The following CHERP variants were observed in gnomAD, a reference collection of about 807,000 sequenced individuals.
CHERP encodes calcium homeostasis endoplasmic reticulum protein, also known as ERPROT 213-21.
CHERP carries 8 observed loss-of-function variants against 113.8 expected under a neutral mutation model. The ratio of observed to expected loss-of-function variants is 0.07; its 90% confidence interval spans 0.04 to 0.13. The LOEUF (loss-of-function observed/expected upper bound fraction) is 0.13. Ranked by LOEUF, CHERP falls within the 10% of genes least tolerant of loss-of-function variation. The probability of loss-of-function intolerance (pLI) is 1.00; values close to 1 mark genes in which losing one functional copy is unlikely to be tolerated. For synonymous variants in CHERP, 559 were observed against 524.5 expected (o/e 1.07, Z -0.90); for missense variants, 884 against 1,298.2 (o/e 0.68, Z 4.90).
chr19:16,536,603 C>T (rs2085742979), intron 2 of CHERP, among the ~76,000 whole-genome samples: 5 of 152,172 alleles, frequency 3.3e-5, no homozygotes, highest in Admixed American at 3.3e-4. Context: ...ACAGGATGAC[C>T]CCCAACTTCT....
In CHERP at chr19:16,519,714, A is replaced by G. The variant is rs769120338; in HGVS notation, c.2464T>C (p.Ser822Pro). The G allele has an allele frequency of 6.7e-5, 108 of 1,612,406 alleles. No homozygotes were observed. Among genetic ancestry groups the G allele is most frequent in the Non-Finnish European group, 8.5e-5 (100 of 1,178,670 alleles). ...GAATTAGAACCCAGACCAGCAGAGG[A>G]ACTAAAATCGAGACAGGTTATTCTT... ...RSRSRSPTPP[S>P]SAGLGSNSAP... is the part of the protein sequence containing the mutation. Residue 822 changes from serine to proline, a missense_variant and splice_region_variant, in exon 16 of 17, where the codon TCC becomes CCC. Around this residue, in one of 8 missense-constraint regions of CHERP, gnomAD observed 159 missense variants for 185.8 expected, o/e 0.86. Transcript: ENST00000546361. The surrounding 1 kb of genome is among the most constrained non-coding windows in gnomAD (Gnocchi z 6.0).
rs968291195 is a variant in CHERP, at chr19:16,519,924, G to C, written c.2463-209C>G. 2.1e-5 allele frequency: 14 copies of C among 658,764 alleles called. No individual in the cohort carries two copies. The Admixed American group carries it at 3.8e-4, about 18-fold the overall frequency. The allele number at this position is 658,764 out of a possible 1,614,324, so 40.8% of individuals were successfully genotyped here. On this transcript the variant is annotated intron_variant, in intron 15 of 16. Coordinates refer to ENST00000546361, the MANE Select transcript of CHERP (RefSeq NM_006387.6). The surrounding 1 kb of genome is among the most constrained non-coding windows in gnomAD (Gnocchi z 6.0). ...GCCCCCACCCCACGCTCAGCATTGA[G>C]AGCAGGACACCTCCAACCCAGATGG...
Position 16,533,151 on chromosome 19 carries a change from G to A in CHERP, c.385-3C>T. 1 of 1,581,372 alleles carries A rather than the reference G, an allele frequency of 6.3e-7. No individual in the cohort carries two copies. Among genetic ancestry groups the A allele is most frequent in the Non-Finnish European group, 8.6e-7 (1 of 1,164,158 alleles). On this transcript the variant is annotated splice_region_variant and splice_polypyrimidine_tract_variant and intron_variant, in intron 3 of 16. Coordinates refer to ENST00000546361, the MANE Select transcript of CHERP (RefSeq NM_006387.6). The stretch of plus-strand genomic sequence containing the variant: ...GCCACGGCCGCTGTCACTTGCTCCT[G>A]CGGGCGGGGGTCGGTGGGGTCGAGA...
rs990785729 is a variant in CHERP, at chr19:16,535,343, G to T, written c.384+109C>A. ...ACATGCACCGAGCCCTGGGTGGCAGGGGGGGCCCTGTCCTCACTGACACCT... is the reference window on the plus strand; with the variant it reads ...ACATGCACCGAGCCCTGGGTGGCAGTGGGGGCCCTGTCCTCACTGACACCT... On this transcript the variant is annotated intron_variant, in intron 3 of 16. Transcript: ENST00000546361. This position sits in a 1 kb window ranked among gnomAD's most constrained non-coding sequence, Gnocchi z 4.3. The T allele has an allele frequency of 1.3e-5, 16 of 1,212,366 alleles. No homozygotes were observed. The South Asian group carries it at 1.4e-4, about 11-fold the overall frequency. 75.1% of individuals were successfully genotyped at this position (1,212,366 alleles called of 1,614,324 possible).
intron 3 of CHERP, among the ~76,000 whole-genome samples, chr19:16,534,892 CT>C (rs1345601043): frequency 2.0e-5 from 3 of 152,072 alleles, no homozygotes; most frequent in Non-Finnish European, 4.4e-5. Context: ...CCTGGCCAAC[CT>C]GGTGAAACTC....
At chr19:16,526,101 C>T (rs924226651) in intron 9 of CHERP, 1 of 184,602 alleles carries the variant, frequency 5.4e-6, no homozygotes, top group East Asian at 1.4e-4. Context: ...CTCTGACACC[C>T]CCTGCCCTGC....
rs2085732289 is a variant in CHERP, at chr19:16,535,118, CT to C, written c.384+333del. On this transcript the variant is annotated intron_variant, in intron 3 of 16. Coordinates refer to ENST00000546361, the MANE Select transcript of CHERP (RefSeq NM_006387.6). This position sits in a 1 kb window ranked among gnomAD's most constrained non-coding sequence, Gnocchi z 4.3. ...CAACCAACAGCTCCAGGTGACCTAG[CT>C]ACTGTGTGGTGGGGCCAATGGTAGG... Among the ~76,000 whole-genome samples the C allele has an allele frequency of 6.6e-6, 1 of 152,138 alleles. No individual in the cohort carries two copies. Among genetic ancestry groups the C allele is most frequent in the Non-Finnish European group, 1.5e-5 (1 of 68,012 alleles).
Position 16,520,615 on chromosome 19 carries a change from G to T in CHERP, c.2202-108C>A. 1 of 1,345,798 alleles carries T rather than the reference G, an allele frequency of 7.4e-7. No homozygotes were observed. Among genetic ancestry groups the T allele is most frequent in the Non-Finnish European group, 1.0e-6 (1 of 969,070 alleles). 83.4% of individuals were successfully genotyped at this position (1,345,798 alleles called of 1,614,324 possible). A position where few individuals can be genotyped will look rare whatever the true frequency, so the allele number is the denominator to read the frequency against. On this transcript the variant is annotated intron_variant, in intron 13 of 16. Transcript: ENST00000546361. This position sits in a 1 kb window ranked among gnomAD's most constrained non-coding sequence, Gnocchi z 4.0. The stretch of plus-strand genomic sequence containing the variant: ...CCCAGATGCAGGGGCTCTGGCTGTG[G>T]ATGTGGCGCCATAGCCACAGCAACG...
chr19:16,524,228 CAGTG>C (rs904457002), intron 10 of CHERP, among the ~76,000 whole-genome samples: 2 of 151,802 alleles, frequency 1.3e-5, no homozygotes, highest in African/African-American at 4.8e-5. Context: ...GCCTGCGTGA[CAGTG>C]AGGCTCAGTC....
chr19:16,520,336 G>A lies in CHERP; in HGVS notation c.2345+28C>T, dbSNP rs74909346. The A allele has an allele frequency of 0.061, 97,728 of 1,613,476 alleles. 3,414 individuals are homozygous for A. The highest frequency in any genetic ancestry group is 0.07 in the South Asian group (6,361 of 91,056). On this transcript the variant is annotated intron_variant, in intron 14 of 16. Transcript: ENST00000546361. The surrounding 1 kb of genome is among the most constrained non-coding windows in gnomAD (Gnocchi z 4.0). ...GGGAGGCCACAGGAAGAGGCCTCAGGCACTGCCCTGAGGCAGCCTCTGCCT... is the reference window on the plus strand; with the variant it reads ...GGGAGGCCACAGGAAGAGGCCTCAGACACTGCCCTGAGGCAGCCTCTGCCT...
At position 16,525,321 on chromosome 19, in the gene CHERP, G is replaced by A. The variant is rs1416038478; in HGVS notation, c.1662C>T (p.Asp554=). 8 of 1,463,966 alleles carry A rather than the reference G, an allele frequency of 5.5e-6. No homozygotes were observed. Among genetic ancestry groups the A allele is most frequent in the South Asian group, 1.5e-5 (1 of 68,638 alleles). 90.7% of individuals were successfully genotyped at this position (1,463,966 alleles called of 1,614,324 possible). A position where few individuals can be genotyped will look rare whatever the true frequency, so the allele number is the denominator to read the frequency against. The part of the protein sequence containing the change: ...FNRFPPRFMQ[D]DFPPRHPFER... ...CGAAGGGGTGCCGTGGCGGGAAGTC[G>A]TCCTGCATGAAGCGGGGCGGGAAGC... The change falls in exon 10 of 17, where the codon GAC becomes GAT. Residue 554 remains aspartate (D), a synonymous_variant. Coordinates refer to ENST00000546361, the MANE Select transcript of CHERP (RefSeq NM_006387.6). The surrounding 1 kb of genome is among the most constrained non-coding windows in gnomAD (Gnocchi z 6.5).
chr19:16,530,997 A>T lies in CHERP; in HGVS notation c.675-117T>A. The T allele has an allele frequency of 6.8e-7, 1 of 1,477,086 alleles. No individual in the cohort carries two copies. The highest frequency in any genetic ancestry group is 9.0e-7 in the Non-Finnish European group (1 of 1,110,290). The allele number at this position is 1,477,086 out of a possible 1,614,324, so 91.5% of individuals were successfully genotyped here. On this transcript the variant is annotated intron_variant, in intron 5 of 16. Coordinates refer to ENST00000546361, the MANE Select transcript of CHERP (RefSeq NM_006387.6). The surrounding 1 kb of genome is among the most constrained non-coding windows in gnomAD (Gnocchi z 4.1). ...TGCCTTCTCGGGAATCGGGTCCCCA[A>T]CCCGGTCAGGGCGATGGCTGGGCTC...
intron 5 of CHERP, 121 bp from the exon 6 acceptor site, chr19:16,531,001 G>T (rs144326342): frequency 1.4e-6 from 2 of 1,463,470 alleles, no homozygotes; most frequent in Non-Finnish European, 1.8e-6. Context: ...TCCCCAACCC[G>T]GTCAGGGCGA....
chr19:16,520,108 T>G lies in CHERP; in HGVS notation c.2462+41A>C. ...CACATTCACAGCAAAGCACCGCAGC[T>G]TCCCAGAGTTACCAGCGCAGCACTT... On this transcript the variant is annotated intron_variant, in intron 15 of 16. Transcript: ENST00000546361. This position sits in a 1 kb window ranked among gnomAD's most constrained non-coding sequence, Gnocchi z 4.0. 6.3e-7 allele frequency: 1 copy of G among 1,590,276 alleles called. No homozygotes were observed. Among genetic ancestry groups the G allele is most frequent in the Non-Finnish European group, 8.6e-7 (1 of 1,161,614 alleles).
chr19:16,539,321 G>C (rs926032758), intron 2 of CHERP, among the ~76,000 whole-genome samples: 1 of 151,744 alleles, frequency 6.6e-6, no homozygotes, highest in Non-Finnish European at 1.5e-5. Flanking sequence ...CTAATTTTTT[G>C]TATTTTTAGT....
Position 16,535,373 on chromosome 19 carries a change from T to C in CHERP, c.384+79A>G, listed in dbSNP as rs2085734123. The stretch of plus-strand genomic sequence containing the variant: ...GCCCTGTCCTCACTGACACCTGTTA[T>C]TCATTCTGATGAGCAGACGCAAAAA... On this transcript the variant is annotated intron_variant, in intron 3 of 16. Coordinates refer to ENST00000546361, the MANE Select transcript of CHERP (RefSeq NM_006387.6). This position sits in a 1 kb window ranked among gnomAD's most constrained non-coding sequence, Gnocchi z 4.3. The C allele has an allele frequency of 1.0e-5, 15 of 1,474,170 alleles. No individual in the cohort carries two copies. The highest frequency in any genetic ancestry group is 1.4e-5 in the Non-Finnish European group (15 of 1,087,070). 91.3% of individuals were successfully genotyped at this position (1,474,170 alleles called of 1,614,324 possible).
intron 12 of CHERP, 36 bp downstream of exon 12, chr19:16,521,485 G>T: frequency 1.3e-6 from 2 of 1,515,808 alleles, no homozygotes; most frequent in South Asian, 1.3e-5. Flanking sequence ...AGGGGACAGA[G>T]GCCTCCCGCC....
Position 16,530,732 on chromosome 19 carries a change from C to A in CHERP, c.786+37G>T. ...TGGGGAGGGGAAAGGCCTGTGTGTC[C>A]CGGTCTTGCCCAACCCCCGGCCCGG... is the stretch of plus-strand genomic sequence containing the variant. On this transcript the variant is annotated intron_variant, in intron 6 of 16. Coordinates refer to ENST00000546361, the MANE Select transcript of CHERP (RefSeq NM_006387.6). This position sits in a 1 kb window ranked among gnomAD's most constrained non-coding sequence, Gnocchi z 4.1. 6.2e-7 allele frequency: 1 copy of A among 1,613,984 alleles called. No homozygotes were observed. Among genetic ancestry groups the A allele is most frequent in the South Asian group, 1.1e-5 (1 of 91,080 alleles).
rs1353168736 is a variant in CHERP at position 16,535,434 on chromosome 19, G to A, written c.384+18C>T. ...GGGGAGCTGCTGGTGTCTGGCCGAG[G>A]AGGCGGCGGGCCCATACCTGTCTGA... is the stretch of plus-strand genomic sequence containing the variant. On this transcript the variant is annotated intron_variant, in intron 3 of 16. Transcript: ENST00000546361. This position sits in a 1 kb window ranked among gnomAD's most constrained non-coding sequence, Gnocchi z 4.3. 2.5e-6 allele frequency: 4 copies of A among 1,603,888 alleles called. No individual in the cohort carries two copies. Among genetic ancestry groups the A allele is most frequent in the South Asian group, 2.2e-5 (2 of 89,514 alleles).
Sources: gnomAD v4.1 joint callset for allele counts (sites outside exome capture counted in the v4.1 genomes callset) on GRCh38, gnomAD v4.1.1 for gene constraint, gnomAD v4.1.1 regional missense constraint, Gnocchi (gnomAD v3.1) non-coding constraint, MANE v1.5 for transcripts, NCBI Gene and HGNC (gene_info 2026-07-23, HGNC 2026-07-21) for gene names.